CCL17: variants seen among roughly 807,000 people sequenced by gnomAD.
CCL17 encodes C-C motif chemokine 17.
Under a neutral mutation model 7.4 loss-of-function variants are expected in CCL17, and 8 were observed. That is an observed-to-expected ratio of 1.09 (90% confidence interval 0.64 to 1.96). CCL17 has a LOEUF of 1.96. CCL17 is among the 30% of genes most tolerant of loss of function. The pLI, the probability that CCL17 is intolerant of heterozygous loss-of-function variation, is 0.00. For synonymous variants in CCL17, 40 were observed against 46.1 expected, an observed-to-expected ratio of 0.87 and a Z score of 0.54; for missense variants, 102 against 113.0, an observed-to-expected ratio of 0.90 and a Z score of 0.44.
In CCL17 at chr16:57,415,061, C is replaced by T. The variant is rs2146542704; in HGVS notation, c.71-20C>T. 6.5e-7 allele frequency: 1 copy of T among 1,545,980 alleles called. No homozygotes were observed. The highest frequency in any genetic ancestry group is 8.9e-7 in the Non-Finnish European group (1 of 1,118,044). ...ACGCAGACACTCACAGACACCCCTG[C>T]CCCGCTCCTCTCCCTGCAGCTCGAG... On this transcript the variant is annotated intron_variant, in intron 2 of 3. Coordinates refer to ENST00000219244, the MANE Select transcript of CCL17 (RefSeq NM_002987.3). This position sits in a 1 kb window ranked among gnomAD's most constrained non-coding sequence, Gnocchi z 4.5.
At position 57,415,887 on chromosome 16, in the gene CCL17, T is replaced by G; in HGVS notation, c.*26T>G. 6.8e-7 allele frequency: 1 copy of G among 1,468,218 alleles called. No individual in the cohort carries two copies. The highest frequency in any genetic ancestry group is 1.1e-5 in the South Asian group (1 of 88,132). 90.9% of individuals were successfully genotyped at this position (1,468,218 alleles called of 1,614,324 possible). On this transcript the variant is annotated 3_prime_UTR_variant, in exon 4 of 4. Coordinates refer to ENST00000219244, the MANE Select transcript of CCL17 (RefSeq NM_002987.3). This position sits in a 1 kb window ranked among gnomAD's most constrained non-coding sequence, Gnocchi z 4.5. ...AGCCTCCTCACCCCAGACTCCTGACTGTCTCCCGGGACTACCTGGGACCTC... is the reference window on the plus strand; with the variant it reads ...AGCCTCCTCACCCCAGACTCCTGACGGTCTCCCGGGACTACCTGGGACCTC...
chr16:57,415,733 G>T lies in CCL17; in HGVS notation c.189-32G>T. On this transcript the variant is annotated intron_variant, in intron 3 of 3. Coordinates refer to ENST00000219244, the MANE Select transcript of CCL17 (RefSeq NM_002987.3). The surrounding 1 kb of genome is among the most constrained non-coding windows in gnomAD (Gnocchi z 4.5). ...GGACTCTGGGGGCCCTTCCCCCCCT[G>T]CCACTCCTGGTAACGTCCTCCTTCT... The T allele has an allele frequency of 6.9e-7, 1 of 1,442,978 alleles. No individual in the cohort carries two copies. The allele number at this position is 1,442,978 out of a possible 1,614,324, so 89.4% of individuals were successfully genotyped here. A position where few individuals can be genotyped will look rare whatever the true frequency, so the allele number is the denominator to read the frequency against.
At chr16:57,407,379 G>C (rs556835764) in intron 1 of CCL17, among the ~76,000 whole-genome samples, 2 of 152,336 alleles carry the variant, frequency 1.3e-5, no homozygotes, top group East Asian at 3.9e-4. Context: ...TCCTTGGTTA[G>C]ATTCCTCTGC....
intron 2 of CCL17, among the ~76,000 whole-genome samples, chr16:57,414,478 GTGTGA>G (rs371214836): frequency 5.1e-5 from 7 of 136,340 alleles, no homozygotes; most frequent in Non-Finnish European, 1.1e-4. Context: ...GAGTGCAATG[GTGTGA>G]TCTTGGCTCA....
chr16:57,400,569 G>A (rs1902578637), upstream of CCL17, among the ~76,000 whole-genome samples: 1 of 152,034 alleles, frequency 6.6e-6, no homozygotes, highest in Admixed American at 6.5e-5. Context: ...AAGACCAGAA[G>A]GGTCAATTTC....
At chr16:57,410,753 C>T (rs1189229391) in intron 1 of CCL17, among the ~76,000 whole-genome samples, 3 of 152,228 alleles carry the variant, frequency 2.0e-5, no homozygotes, top group African/African-American at 4.8e-5. Flanking sequence ...AAAAATGTCC[C>T]TGGTCCCCGC....
In CCL17 at chr16:57,415,047, C is replaced by A; in HGVS notation, c.71-34C>A. The A allele has an allele frequency of 6.9e-7, 1 of 1,446,556 alleles. No homozygotes were observed. Among genetic ancestry groups the A allele is most frequent in the Non-Finnish European group, 9.7e-7 (1 of 1,027,736 alleles). The allele number at this position is 1,446,556 out of a possible 1,614,324, so 89.6% of individuals were successfully genotyped here. A position where few individuals can be genotyped will look rare whatever the true frequency, so the allele number is the denominator to read the frequency against. On this transcript the variant is annotated intron_variant, in intron 2 of 3. Coordinates refer to ENST00000219244, the MANE Select transcript of CCL17 (RefSeq NM_002987.3). The surrounding 1 kb of genome is among the most constrained non-coding windows in gnomAD (Gnocchi z 4.5). The stretch of plus-strand genomic sequence containing the variant: ...TCCCCGCAACACACACGCAGACACT[C>A]ACAGACACCCCTGCCCCGCTCCTCT...
chr16:57,414,373 TAGG>T (rs1902832944), intron 2 of CCL17, among the ~76,000 whole-genome samples: 1 of 150,060 alleles, frequency 6.7e-6, no homozygotes, highest in Non-Finnish European at 1.5e-5. Context: ...AGCATAAAGA[TAGG>T]AGAATTGTTT....
chr16:57,398,977 G>A, the CCL17 span, among the ~76,000 whole-genome samples: 2,152 of 152,316 alleles, frequency 0.014, 57 homozygotes, highest in African/African-American at 0.048. Context: ...AAGGCAAAGA[G>A]AAACTGGGAG....
chr16:57,413,846 G>C, intron 1 of CCL17, 28 bp from the exon 2 acceptor site: 1 of 1,198,502 alleles, frequency 8.3e-7, no homozygotes, highest in East Asian at 2.6e-5. Context: ...AGGTTAAATA[G>C]GTCACTGCCA....
rs372670099 is a variant in CCL17 at position 57,415,797 on chromosome 16, C to G, written c.221C>G (p.Ser74Trp). The change falls in exon 4 of 4, where the codon TCG becomes TGG. Residue 74 changes from serine to tryptophan, a missense_variant. By Grantham distance (177) the Ser-to-Trp change is radical (BLOSUM62 -3). Transcript: ENST00000219244. The surrounding 1 kb of genome is among the most constrained non-coding windows in gnomAD (Gnocchi z 4.5). ...FVTVQGRAIC[S>W]DPNNKRVKNA... Reference sequence around the variant, plus strand: ...ACTGTGCAGGGCAGGGCCATCTGTTCGGACCCCAACAACAAGAGAGTGAAG... The same window carrying G: ...ACTGTGCAGGGCAGGGCCATCTGTTGGGACCCCAACAACAAGAGAGTGAAG... 6.2e-7 allele frequency: 1 copy of G among 1,613,160 alleles called. No individual in the cohort carries two copies. The highest frequency in any genetic ancestry group is 8.5e-7 in the Non-Finnish European group (1 of 1,179,224).
In CCL17 at chr16:57,413,916, C is replaced by G. The variant is rs760471927; in HGVS notation, c.-17C>G. ...AGGGACCTGCACACAGAGACTCCCT[C>G]CTGGGCTCCTGGCACCATGGCCCCA... is the stretch of plus-strand genomic sequence containing the variant. On this transcript the variant is annotated 5_prime_UTR_variant, in exon 2 of 4. Coordinates refer to ENST00000219244, the MANE Select transcript of CCL17 (RefSeq NM_002987.3). 1.3e-6 allele frequency: 2 copies of G among 1,598,896 alleles called. No individual in the cohort carries two copies. Among genetic ancestry groups the G allele is most frequent in the Non-Finnish European group, 1.7e-6 (2 of 1,172,728 alleles).
chr16:57,406,643 A>C (rs1902700263), intron 1 of CCL17, among the ~76,000 whole-genome samples: 1 of 152,068 alleles, frequency 6.6e-6, no homozygotes, highest in Non-Finnish European at 1.5e-5. Flanking sequence ...CAGTGGGAGG[A>C]GCATCAAGAA....
rs768179190 is a variant in CCL17, at chr16:57,413,899, G to A, written c.-34G>A. 6 of 1,577,834 alleles carry A rather than the reference G, an allele frequency of 3.8e-6. No homozygotes were observed. The highest frequency in any genetic ancestry group is 4.3e-6 in the Non-Finnish European group (5 of 1,158,728). On this transcript the variant is annotated 5_prime_UTR_variant, in exon 2 of 4. Transcript: ENST00000219244. ...GGTGTCTCCCTGAGCAGAGGGACCT[G>A]CACACAGAGACTCCCTCCTGGGCTC...
chr16:57,403,506 ATATATTATATT>A (rs1902639558), upstream of CCL17, among the ~76,000 whole-genome samples: 3 of 26,690 alleles, frequency 1.1e-4, no homozygotes, highest in African/African-American at 7.5e-4. Flanking sequence ...ATTATAATAT[ATATATTATATT>A]ATATATATGT....
chr16:57,403,497 T>TG (rs1902638638), upstream of CCL17, among the ~76,000 whole-genome samples: 8 of 24,588 alleles, frequency 3.3e-4, 3 homozygotes, highest in African/African-American at 2.0e-3. Flanking sequence ...AATATATATA[T>TG]TATAATATAT....
intron 1 of CCL17, among the ~76,000 whole-genome samples, chr16:57,408,521 C>G (rs551364469): frequency 6.6e-6 from 1 of 152,242 alleles, no homozygotes; most frequent in African/African-American, 2.4e-5. Context: ...AGGTGATCCT[C>G]CCTACTCGGC....
At chr16:57,408,875 T>C (rs1329650173) in intron 1 of CCL17, among the ~76,000 whole-genome samples, 1 of 151,950 alleles carries the variant, frequency 6.6e-6, no homozygotes, top group Non-Finnish European at 1.5e-5. Flanking sequence ...CGCCTGGTCA[T>C]TTTTTTGCAT....
chr16:57,405,758 G>T (rs1265314295), intron 1 of CCL17, among the ~76,000 whole-genome samples: 1 of 152,032 alleles, frequency 6.6e-6, no homozygotes, highest in East Asian at 1.9e-4. Flanking sequence ...ATCAGGCCAG[G>T]TGCGGTGGCT....
Sources: gnomAD v4.1 joint callset for allele counts (sites outside exome capture counted in the v4.1 genomes callset) on GRCh38, gnomAD v4.1.1 for gene constraint, Gnocchi (gnomAD v3.1) non-coding constraint, MANE v1.5 for transcripts, NCBI Gene and HGNC (gene_info 2026-07-23, HGNC 2026-07-21) for gene names.